Variants in BRWD3 observed in about 807,000 individuals in gnomAD.
BRWD3 encodes the protein bromodomain and WD repeat domain containing 3.
A neutral mutation model predicts 149.7 loss-of-function variants in BRWD3; 10 were observed. The observed-to-expected ratio is 0.07, with a 90% CI of 0.04 to 0.11. The LOEUF is 0.11. Among genes scored for constraint, BRWD3 ranks in the 10% least tolerant of loss-of-function variants. BRWD3 has a pLI of 1.00. For missense variants in BRWD3, 940 were observed against 1,373.2 expected (o/e 0.68, Z 4.99); for synonymous variants, 504 against 456.7 (o/e 1.10, Z -1.32).
rs2073165975 is a variant in BRWD3, at chrX:80,722,567, G to C, written c.1871C>G (p.Ala624Gly). 1 of 1,205,731 alleles carries C rather than the reference G, an allele frequency of 8.3e-7. No homozygotes were observed. ...TACTTTTAGAGAAAACATACCATTA[G>C]CCACATATCCCAGCTGTGGTATAAG... is the stretch of plus-strand genomic sequence containing the variant. ...EQLIPQLGYV[A>G]NGDGEVVEQV... is the part of the protein sequence containing the mutation. Residue 624 changes from alanine (A) to glycine (G), a missense_variant, in exon 17 of 41, where the codon GCT becomes GGT. This residue lies in a region of BRWD3 where 209 missense variants were observed against 396.8 expected (regional missense o/e 0.53). Transcript: ENST00000373275.
chrX:80,695,344 A>T (rs1487476255), intron 27 of BRWD3, among the ~76,000 whole-genome samples: 1 of 112,166 alleles, frequency 8.9e-6, no homozygotes, highest in Admixed American at 9.5e-5. Context: ...TTAGATTTTT[A>T]AAATTCAGGC....
In BRWD3 at chrX:80,717,738, T is replaced by C; in HGVS notation, c.2066A>G (p.Asp689Gly). 1.7e-6 allele frequency: 2 copies of C among 1,211,228 alleles called. No individual in the cohort carries two copies. Among genetic ancestry groups the C allele is most frequent in the Non-Finnish European group, 2.2e-6 (2 of 895,000 alleles). Reference protein sequence around the residue: ...VNGALRSPNMDISSSPNIRLR... With the variant: ...VNGALRSPNMGISSSPNIRLR... The stretch of plus-strand genomic sequence containing the variant: ...CCTGATGTTTGGGGAAGAAGATATG[T>C]CCATGTTTGGACTTCTCAGAGCTAA... Residue 689 changes from aspartate to glycine, a missense_variant, in exon 19 of 41, where the codon GAC (aspartate) becomes GGC (glycine). Transcript: ENST00000373275.
intron 6 of BRWD3, among the ~76,000 whole-genome samples, chrX:80,783,016 C>A (rs1334811570): frequency 9.0e-6 from 1 of 110,571 alleles, no homozygotes; most frequent in Non-Finnish European, 1.9e-5. Flanking sequence ...AGACATTTCT[C>A]AAAAGAAAAT....
At chrX:80,745,432 A>G in intron 7 of BRWD3, 137 bp downstream of exon 7, 1 of 514,764 alleles carries the variant, frequency 1.9e-6, no homozygotes, top group Middle Eastern at 5.1e-4. Flanking sequence ...AACTTTTTTC[A>G]ATTTCCACTC....
intron 6 of BRWD3, among the ~76,000 whole-genome samples, chrX:80,766,110 T>C (rs1157244373): frequency 4.5e-5 from 5 of 111,881 alleles, no homozygotes; most frequent in African/African-American, 9.8e-5. Flanking sequence ...GTAAAGCAGA[T>C]TGCCCTCCCC....
Position 80,710,685 on chromosome X carries a change from G to A in BRWD3, c.2326-1108C>T, listed in dbSNP as rs997127777. 1.5e-5 allele frequency: 12 copies of A among 819,502 alleles called. No homozygotes were observed. The African/African-American group carries it at 2.1e-4, about 14-fold the overall frequency. 67.5% of individuals were successfully genotyped at this position (819,502 alleles called of 1,213,427 possible). A position where few individuals can be genotyped will look rare whatever the true frequency, so the allele number is the denominator to read the frequency against. On this transcript the variant is annotated intron_variant, in intron 20 of 40. Transcript: ENST00000373275. Reference sequence around the variant, plus strand: ...ACCTGCTGATTAACCAGCAGAAAAGGCTGATGAACCAATGGAACATTAAGT... The same window carrying A: ...ACCTGCTGATTAACCAGCAGAAAAGACTGATGAACCAATGGAACATTAAGT...
At position 80,670,455 on chromosome X, in the gene BRWD3, C is replaced by A. The variant is rs1376396509; in HGVS notation, c.*6154G>T. Among the ~76,000 whole-genome samples, 1 of 110,344 alleles carries A rather than the reference C, an allele frequency of 9.1e-6. No homozygotes were observed. Among genetic ancestry groups the A allele is most frequent in the East Asian group, 2.9e-4 (1 of 3,507 alleles). ...TTCTCAACTTGGAAAAAAAATGGATCCCCAGGCTGGAGTGCAGTGGCATGA... is the reference window on the plus strand; with the variant it reads ...TTCTCAACTTGGAAAAAAAATGGATACCCAGGCTGGAGTGCAGTGGCATGA... On this transcript the variant is annotated 3_prime_UTR_variant, in exon 41 of 41. Transcript: ENST00000373275.
intron 6 of BRWD3, among the ~76,000 whole-genome samples, chrX:80,786,330 T>C (rs2074106919): frequency 9.0e-6 from 1 of 111,079 alleles, no homozygotes; most frequent in Admixed American, 9.6e-5. Context: ...CCAAATATAA[T>C]GGGAAGAATG....
At chrX:80,721,255 A>T (rs1446190770) in intron 17 of BRWD3, among the ~76,000 whole-genome samples, 1 of 112,113 alleles carries the variant, frequency 8.9e-6, no homozygotes, top group Non-Finnish European at 1.9e-5. Context: ...CCAAGTGATC[A>T]GATCTTACAA....
chrX:80,725,930 C>T (rs1249477606), intron 14 of BRWD3, among the ~76,000 whole-genome samples: 1 of 110,647 alleles, frequency 9.0e-6, no homozygotes, highest in African/African-American at 3.3e-5. Context: ...TATGACATAA[C>T]TTGTTTACAT....
At chrX:80,739,289 T>G (rs2073450478) in intron 8 of BRWD3, among the ~76,000 whole-genome samples, 1 of 111,882 alleles carries the variant, frequency 8.9e-6, no homozygotes. Flanking sequence ...GGTATTGCCA[T>G]TTGTTTGGAT....
In BRWD3 at chrX:80,677,309, C is replaced by T; in HGVS notation, c.4709G>A (p.Gly1570Glu). Reference protein sequence around the residue: ...TNGDGREPRTGIKRKLLSASE... With the variant: ...TNGDGREPRTEIKRKLLSASE... Reference sequence around the variant, plus strand: ...TGCACTAAGTAGTTTTCTCTTGATTCCTGTCCGGGGCTCTCTGCCATCACC... The same window carrying T: ...TGCACTAAGTAGTTTTCTCTTGATTTCTGTCCGGGGCTCTCTGCCATCACC... The change falls in exon 41 of 41, where the codon GGA (glycine) becomes GAA (glutamate). Residue 1570 changes from glycine to glutamate, a missense_variant. Physicochemically the swap from Gly to Glu is moderately conservative, Grantham distance 98. Coordinates refer to ENST00000373275, the MANE Select transcript of BRWD3 (RefSeq NM_153252.5). The T allele has an allele frequency of 8.3e-7, 1 of 1,208,377 alleles. No homozygotes were observed. Among genetic ancestry groups the T allele is most frequent in the Non-Finnish European group, 1.1e-6 (1 of 894,281 alleles).
chrX:80,729,048 G>A, intron 13 of BRWD3, 143 bp from the exon 14 acceptor site: 4 of 503,587 alleles, frequency 7.9e-6, no homozygotes, highest in Admixed American at 3.6e-5. Flanking sequence ...AAGTATTCAT[G>A]AAAGAAAAAA....
rs954462281 is a variant in BRWD3 at position 80,671,359 on chromosome X, G to T, written c.*5250C>A. On this transcript the variant is annotated 3_prime_UTR_variant, in exon 41 of 41. Coordinates refer to ENST00000373275, the MANE Select transcript of BRWD3 (RefSeq NM_153252.5). ...AAAAACAAAACCTTTTCTTTGATAG[G>T]AAGAAGCATCCTAGTTTCTCAGATT... The T allele has an allele frequency of 7.2e-5, 8 of 111,755 alleles. No individual in the cohort carries two copies. In the Admixed American group the frequency reaches 7.6e-4, roughly 11 times the overall value. 9.2% of individuals were successfully genotyped at this position (111,755 alleles called of 1,213,427 possible). A position where few individuals can be genotyped will look rare whatever the true frequency, so the allele number is the denominator to read the frequency against.
intron 40 of BRWD3, among the ~76,000 whole-genome samples, chrX:80,679,054 G>A (rs1223521622): frequency 1.8e-5 from 2 of 112,002 alleles, no homozygotes; most frequent in Non-Finnish European, 3.8e-5. Context: ...ATAGAAGCCA[G>A]GGAAAAAGCC....
At chrX:80,707,138 G>A (rs974860888) in intron 22 of BRWD3, among the ~76,000 whole-genome samples, 3 of 111,933 alleles carry the variant, frequency 2.7e-5, no homozygotes, top group African/African-American at 6.5e-5. Context: ...ATATGCACTC[G>A]ATCATTGACT....
intron 6 of BRWD3, among the ~76,000 whole-genome samples, chrX:80,750,745 A>G (rs1260577940): frequency 1.8e-5 from 2 of 110,802 alleles, no homozygotes; most frequent in Non-Finnish European, 3.8e-5. Flanking sequence ...AGGGATTGAA[A>G]TCAATGTCAA....
At chrX:80,705,583 T>A (rs1364856306) in intron 22 of BRWD3, among the ~76,000 whole-genome samples, 1 of 111,665 alleles carries the variant, frequency 9.0e-6, no homozygotes, top group Non-Finnish European at 1.9e-5. Flanking sequence ...TGTGTGAATA[T>A]CATACAGAGT....
At position 80,809,857 on chromosome X, in the gene BRWD3, A is replaced by G. The variant is rs764292996; in HGVS notation, c.-386T>C. Among the ~76,000 whole-genome samples the G allele has an allele frequency of 1.3e-3, 105 of 81,552 alleles. No individual in the cohort carries two copies. The highest frequency in any genetic ancestry group is 4.5e-3 in the African/African-American group (95 of 21,196). 70.8% of individuals were successfully genotyped at this position (81,552 alleles called of 115,157 possible). A position where few individuals can be genotyped will look rare whatever the true frequency, so the allele number is the denominator to read the frequency against. On this transcript the variant is annotated 5_prime_UTR_variant, in exon 1 of 41. Transcript: ENST00000373275. ...GAGAGAGAGAGAGATAGACGGAGCG[A>G]GAAGAGGGAGGAGCCGAAGTGGCGA...
Sources: gnomAD v4.1 joint callset for allele counts (sites outside exome capture counted in the v4.1 genomes callset) on GRCh38, gnomAD v4.1.1 for gene constraint, gnomAD v4.1.1 regional missense constraint, MANE v1.5 for transcripts, NCBI Gene and HGNC (gene_info 2026-07-23, HGNC 2026-07-21) for gene names.